Variants in HCFC2 observed in about 807,000 individuals in gnomAD.
HCFC2 encodes host cell factor C2, also known as host cell factor 2.
Under a neutral mutation model 89.2 loss-of-function variants are expected in HCFC2, and 18 were observed. The ratio of observed to expected loss-of-function variants is 0.20; its 90% CI spans 0.14 to 0.30. HCFC2 has a LOEUF of 0.30. Among genes scored for constraint, HCFC2 ranks in the 10% least tolerant of loss-of-function variants. The probability of loss-of-function intolerance (pLI) is 1.00; values close to 1 mark genes in which losing one functional copy is unlikely to be tolerated. For missense variants in HCFC2, 578 were observed against 956.1 expected, an observed-to-expected ratio of 0.60 and a Z score of 5.21; for synonymous variants, 308 against 335.7, an observed-to-expected ratio of 0.92 and a Z score of 0.90.
intron 8 of HCFC2, among the ~76,000 whole-genome samples, 197 bp downstream of exon 8, chr12:104,087,211 G>A (rs1243288619): frequency 2.6e-5 from 4 of 151,668 alleles, no homozygotes; most frequent in African/African-American, 7.3e-5. Flanking sequence ...AAAAATTAGC[G>A]GGTATGGTGG....
chr12:104,089,175 A>C (rs1393981275), intron 9 of HCFC2, among the ~76,000 whole-genome samples: 1 of 152,190 alleles, frequency 6.6e-6, no homozygotes, highest in Non-Finnish European at 1.5e-5. Flanking sequence ...TGTTTGGTTG[A>C]GGTTGTGGAA....
intron 7 of HCFC2, among the ~76,000 whole-genome samples, chr12:104,085,593 T>G (rs941176832): frequency 3.9e-5 from 6 of 152,196 alleles, no homozygotes; most frequent in Non-Finnish European, 7.4e-5. Flanking sequence ...TAGATATCAG[T>G]ATTCTTCTAA....
At chr12:104,076,651 A>G (rs947448623) in intron 3 of HCFC2, among the ~76,000 whole-genome samples, 10 of 152,028 alleles carry the variant, frequency 6.6e-5, no homozygotes, top group Admixed American at 6.6e-4. Flanking sequence ...GTATTATAAT[A>G]GGGTAGTTTT....
rs1358107299 is a variant in HCFC2, at chr12:104,095,320, A to G, written c.1463-40A>G. 1.4e-6 allele frequency: 2 copies of G among 1,411,704 alleles called. No individual in the cohort carries two copies. The allele number at this position is 1,411,704 out of a possible 1,614,324, so 87.4% of individuals were successfully genotyped here. A position where few individuals can be genotyped will look rare whatever the true frequency, so the allele number is the denominator to read the frequency against. On this transcript the variant is annotated intron_variant, in intron 10 of 14. Coordinates refer to ENST00000229330, the MANE Select transcript of HCFC2 (RefSeq NM_013320.3). This position sits in a 1 kb window ranked among gnomAD's most constrained non-coding sequence, Gnocchi z 4.2. ...ACGATAAGACACAACAATTATCTGC[A>G]GATATCATATTAATAATTACCTTTT...
chr12:104,067,305 A>G (rs1883180929), intron 2 of HCFC2, among the ~76,000 whole-genome samples: 1 of 152,216 alleles, frequency 6.6e-6, no homozygotes, highest in Non-Finnish European at 1.5e-5. Flanking sequence ...CAATACATAC[A>G]AAAGAGGAGT....
chr12:104,079,624 G>T lies in HCFC2; in HGVS notation c.653G>T (p.Arg218Leu). The T allele has an allele frequency of 6.2e-7, 1 of 1,614,044 alleles. No homozygotes were observed. Among genetic ancestry groups the T allele is most frequent in the Non-Finnish European group, 8.5e-7 (1 of 1,179,964 alleles). The change falls in exon 4 of 15, where the codon CGC becomes CTC. Residue 218 changes from arginine to leucine, a missense_variant. Physicochemically the swap from Arg to Leu is moderately radical, Grantham distance 102. Coordinates refer to ENST00000229330, the MANE Select transcript of HCFC2 (RefSeq NM_013320.3). ...MYVFGGMCGA[R>L]LDDLWQLDLE... ...GTTTTTGGTGGAATGTGTGGTGCTC[G>T]CCTGGATGACCTATGGCAGCTTGAC...
intron 7 of HCFC2, among the ~76,000 whole-genome samples, chr12:104,083,550 T>G (rs1883744978): frequency 6.6e-6 from 1 of 152,164 alleles, no homozygotes; most frequent in Admixed American, 6.5e-5. Context: ...TGGTGAAATC[T>G]GAGTTGTCTA....
At chr12:104,089,410 G>T (rs186593619) in intron 9 of HCFC2, among the ~76,000 whole-genome samples, 1 of 152,076 alleles carries the variant, frequency 6.6e-6, no homozygotes, top group South Asian at 2.1e-4. Context: ...CAGCTACTTG[G>T]GAGGCTGAGG....
At chr12:104,072,112 C>T (rs747322953) in intron 3 of HCFC2, among the ~76,000 whole-genome samples, 2 of 152,132 alleles carry the variant, frequency 1.3e-5, no homozygotes, top group Non-Finnish European at 2.9e-5. Context: ...GTGGCTCACG[C>T]CCATAATCCC....
chr12:104,101,890 A>G (rs1256428175), intron 13 of HCFC2, 78 bp from the exon 14 acceptor site: 13 of 917,766 alleles, frequency 1.4e-5, no homozygotes, highest in East Asian at 1.2e-4. Context: ...TTTTTGTTTA[A>G]TAAAAATTGA....
At chr12:104,099,806 C>T (rs553746348) in intron 13 of HCFC2, among the ~76,000 whole-genome samples, 23 of 152,104 alleles carry the variant, frequency 1.5e-4, no homozygotes, top group Non-Finnish European at 2.8e-4. Context: ...GCTAGGACTA[C>T]AGGGACAAGC....
intron 10 of HCFC2, 133 bp downstream of exon 10, chr12:104,093,696 T>A: frequency 4.4e-6 from 3 of 682,896 alleles, no homozygotes; most frequent in Non-Finnish European, 7.2e-6. Flanking sequence ...TCAACCTGGT[T>A]AGAATAATGT....
At chr12:104,093,774 C>CA in intron 10 of HCFC2, among the ~76,000 whole-genome samples, 2 of 47,290 alleles carry the variant, frequency 4.2e-5, no homozygotes, top group Non-Finnish European at 7.3e-5. Flanking sequence ...TTAAATGAGG[C>CA]AATTTTTTTT....
chr12:104,093,029 C>A (rs776471336), intron 9 of HCFC2, among the ~76,000 whole-genome samples: 5 of 152,042 alleles, frequency 3.3e-5, no homozygotes, highest in Non-Finnish European at 7.4e-5. Flanking sequence ...TACATGTCTG[C>A]CCTTTAAGAA....
rs1270964027 is a variant in HCFC2 at position 104,105,245 on chromosome 12, GT to G, written c.*1974del. 2.0e-5 allele frequency: 3 copies of G among 152,006 alleles called. No homozygotes were observed. Among genetic ancestry groups the G allele is most frequent in the Non-Finnish European group, 4.4e-5 (3 of 67,898 alleles). The allele number at this position is 152,006 out of a possible 1,614,324, so 9.4% of individuals were successfully genotyped here. A position where few individuals can be genotyped will look rare whatever the true frequency, so the allele number is the denominator to read the frequency against. On this transcript the variant is annotated 3_prime_UTR_variant, in exon 15 of 15. Coordinates refer to ENST00000229330, the MANE Select transcript of HCFC2 (RefSeq NM_013320.3). ...ACTAAAAGTATATGTTTCAAGCCCA[GT>G]TATTTTAAAGATCTATTGCTTTAAT...
intron 9 of HCFC2, among the ~76,000 whole-genome samples, chr12:104,088,744 A>T (rs1311263121): frequency 6.6e-6 from 1 of 152,214 alleles, no homozygotes; most frequent in Non-Finnish European, 1.5e-5. Context: ...GGAAGGGGTT[A>T]TTACAAGTAA....
Position 104,068,509 on chromosome 12 carries a change from G to T in HCFC2, c.473+402G>T, listed in dbSNP as rs1446876589. 6.6e-6 allele frequency among the ~76,000 whole-genome samples: 1 copy of T among 152,188 alleles called. No homozygotes were observed. The highest frequency in any genetic ancestry group is 2.4e-5 in the African/African-American group (1 of 41,446). On this transcript the variant is annotated intron_variant, in intron 3 of 14. Transcript: ENST00000229330. The surrounding 1 kb of genome is among the most constrained non-coding windows in gnomAD (Gnocchi z 4.1). ...TCTGGGAATTTGGCGACAAAACTCT[G>T]ACTATAAAATGAAAGCTATCATTTC... is the stretch of plus-strand genomic sequence containing the variant.
chr12:104,079,156 C>T (rs1256204044), intron 3 of HCFC2, among the ~76,000 whole-genome samples: 1 of 152,200 alleles, frequency 6.6e-6, no homozygotes, highest in African/African-American at 2.4e-5. Flanking sequence ...TATGTTTTAA[C>T]ACCAACAGTT....
At chr12:104,065,858 G>C (rs896714991) in intron 1 of HCFC2, among the ~76,000 whole-genome samples, 4 of 152,248 alleles carry the variant, frequency 2.6e-5, no homozygotes, top group African/African-American at 9.6e-5. Context: ...TACAGATCAG[G>C]GTTTTTCAAC....
Sources: gnomAD v4.1 joint callset for allele counts (sites outside exome capture counted in the v4.1 genomes callset) on GRCh38, gnomAD v4.1.1 for gene constraint, Gnocchi (gnomAD v3.1) non-coding constraint, MANE v1.5 for transcripts, NCBI Gene and HGNC (gene_info 2026-07-23, HGNC 2026-07-21) for gene names.